Variants in PPP6R1 observed in about 807,000 individuals in gnomAD.
PPP6R1 encodes serine/threonine-protein phosphatase 6 regulatory subunit 1.
Under a neutral mutation model 104.6 loss-of-function variants are expected in PPP6R1, and 39 were observed. The ratio of observed to expected loss-of-function variants is 0.37; its 90% CI spans 0.29 to 0.49. The LOEUF is 0.49. Among genes scored for constraint, PPP6R1 ranks in the 20% least tolerant of loss-of-function variants. The pLI is 0.98. For missense variants in PPP6R1, 1,181 were observed against 1,155.8 expected (o/e 1.02, Z -0.32); for synonymous variants, 549 against 479.0 (o/e 1.15, Z -1.91).
At chr19:55,240,324 G>T in intron 10 of PPP6R1, 24 bp from the exon 11 acceptor site, 1 of 1,573,426 alleles carries the variant, frequency 6.4e-7, no homozygotes. Context: ...GGACAGGATG[G>T]CCTGGAGGGG....
chr19:55,258,248 C>A (rs1009242224), intron 1 of PPP6R1, among the ~76,000 whole-genome samples, 187 bp downstream of exon 1: 2 of 151,976 alleles, frequency 1.3e-5, no homozygotes, highest in Non-Finnish European at 1.5e-5. Context: ...GATTAAGAGA[C>A]TGGGGAGGGT....
chr19:55,247,087 T>C lies in PPP6R1; in HGVS notation c.17A>G (p.Asp6Gly). The C allele has an allele frequency of 6.2e-7, 1 of 1,613,156 alleles. No homozygotes were observed. The highest frequency in any genetic ancestry group is 8.5e-7 in the Non-Finnish European group (1 of 1,179,668). The change falls in exon 2 of 24, where the codon GAC (aspartate) becomes GGC (glycine). Residue 6 changes from aspartate to glycine, a missense_variant. By Grantham distance (94) the Asp-to-Gly change is moderately conservative. Around this residue, in one of 2 missense-constraint regions of PPP6R1, gnomAD observed 139 missense variants for 200.1 expected, o/e 0.69. Coordinates refer to ENST00000412770, the MANE Select transcript of PPP6R1 (RefSeq NM_014931.4). ...GTCCAGGTGCGAGCTTGTGTGCAGG[T>C]CAAACTTCCAAAACATGGCGCCCTG... MFWKFDLHTSSHLDTL... is the reference protein window; with the variant it reads MFWKFGLHTSSHLDTL...
chr19:55,242,506 AG>A lies in PPP6R1; in HGVS notation c.619-19del, dbSNP rs545797903. On this transcript the variant is annotated intron_variant, in intron 5 of 23. Coordinates refer to ENST00000412770, the MANE Select transcript of PPP6R1 (RefSeq NM_014931.4). ...GAATGTTGCTGGAACGGGGAGAGAC[AG>A]GTGAGGATCCTGGTCGGGCCACCGG... 850 of 1,603,916 alleles carry A rather than the reference AG, an allele frequency of 5.3e-4. 8 individuals carry two copies. In the African/African-American group the frequency reaches 0.01, roughly 19 times the overall value.
At chr19:55,234,761 A>T (rs1244258444) in intron 17 of PPP6R1, among the ~76,000 whole-genome samples, 1 of 152,234 alleles carries the variant, frequency 6.6e-6, no homozygotes, top group Non-Finnish European at 1.5e-5. Flanking sequence ...GCCCCACTGC[A>T]CGAGAGCCAG....
chr19:55,241,238 C>T lies in PPP6R1; in HGVS notation c.1161+1G>A, dbSNP rs1328759957. ...CCCCCAGCCCGGTCCAGTCCCCGCA[C>T]CAGCATGGTGTTGGGCACGTCCAGT... is the stretch of plus-strand genomic sequence containing the variant. On this transcript the variant is annotated splice_donor_variant, in intron 9 of 23. Transcript: ENST00000412770. LOFTEE classifies it high-confidence loss of function. This position sits in a 1 kb window ranked among gnomAD's most constrained non-coding sequence, Gnocchi z 5.4. 6.3e-7 allele frequency: 1 copy of T among 1,587,884 alleles called. No homozygotes were observed. The highest frequency in any genetic ancestry group is 8.6e-7 in the Non-Finnish European group (1 of 1,169,460).
At chr19:55,228,996 G>C, downstream of PPP6R1, 1 of 474,998 alleles carries the variant, frequency 2.1e-6, no homozygotes, top group South Asian at 2.7e-5. Context: ...TGCCTGGGGA[G>C]GTTAGGCCCA....
intron 15 of PPP6R1, 140 bp from the exon 16 acceptor site, chr19:55,237,110 C>T (rs2087406964): frequency 3.5e-6 from 3 of 856,270 alleles, no homozygotes; most frequent in Non-Finnish European, 5.8e-6. Context: ...TCACACACAA[C>T]CCGAACCACT....
At chr19:55,239,740 G>A in intron 13 of PPP6R1, 57 bp from the exon 14 acceptor site, 11 of 1,587,530 alleles carry the variant, frequency 6.9e-6, no homozygotes, top group Non-Finnish European at 8.6e-6. Flanking sequence ...GGGTGGGCAG[G>A]CAGCTATCGG....
intron 17 of PPP6R1, among the ~76,000 whole-genome samples, chr19:55,235,691 T>C (rs2087391135): frequency 6.6e-6 from 1 of 151,590 alleles, no homozygotes; most frequent in African/African-American, 2.4e-5. Flanking sequence ...GCAAATTTTT[T>C]GTATTTTTAG....
chr19:55,257,348 C>G (rs1035958607), intron 1 of PPP6R1, among the ~76,000 whole-genome samples: 2 of 152,250 alleles, frequency 1.3e-5, no homozygotes. Flanking sequence ...CCGCACCTGA[C>G]AGTCTACGCA....
chr19:55,240,159 G>A, intron 11 of PPP6R1, 45 bp from the exon 12 acceptor site: 1 of 1,561,620 alleles, frequency 6.4e-7, no homozygotes, highest in Non-Finnish European at 8.7e-7. Context: ...ACTGGACCCA[G>A]GGATGCCCAG....
Position 55,242,252 on chromosome 19 carries a change from G to A in PPP6R1, c.759C>T (p.Ser253=). Residue 253 remains serine (S), a synonymous_variant, in exon 7 of 24, where the codon AGC becomes AGT. Coordinates refer to ENST00000412770, the MANE Select transcript of PPP6R1 (RefSeq NM_014931.4). ...EKQETIEQLL[S]NMFEGEQSQS... ...GGCTCTGCTCCCCCTCGAACATGTTGCTTAAGAGCTGCTCAATCGTCTCCT... is the reference window on the plus strand; with the variant it reads ...GGCTCTGCTCCCCCTCGAACATGTTACTTAAGAGCTGCTCAATCGTCTCCT... 6.2e-7 allele frequency: 1 copy of A among 1,613,952 alleles called. No individual in the cohort carries two copies. The highest frequency in any genetic ancestry group is 8.5e-7 in the Non-Finnish European group (1 of 1,179,890).
intron 5 of PPP6R1, among the ~76,000 whole-genome samples, chr19:55,244,434 C>G (rs1218487511): frequency 6.6e-6 from 1 of 152,232 alleles, no homozygotes; most frequent in Non-Finnish European, 1.5e-5. Flanking sequence ...GAAAGCAAGG[C>G]TGCTGGACGG....
downstream of PPP6R1, chr19:55,228,813 G>T (rs574353392): frequency 1.3e-6 from 2 of 1,501,250 alleles, no homozygotes; most frequent in South Asian, 1.2e-5. Context: ...GAGGGCTCAT[G>T]GTTACACGTT....
At chr19:55,237,241 C>T (rs1312697388) in intron 15 of PPP6R1, among the ~76,000 whole-genome samples, 4 of 152,078 alleles carry the variant, frequency 2.6e-5, no homozygotes, top group Admixed American at 1.3e-4. Flanking sequence ...AAATGGGGCT[C>T]GGAAATGTTA....
intron 1 of PPP6R1, among the ~76,000 whole-genome samples, chr19:55,251,445 C>T (rs999820295): frequency 2.0e-5 from 3 of 152,168 alleles, no homozygotes; most frequent in African/African-American, 4.8e-5. Flanking sequence ...ACTCCCACTC[C>T]GGCCCCTCCC....
At chr19:55,232,847 GC>G (rs2087362524) in intron 17 of PPP6R1, 1 of 152,250 alleles carries the variant, frequency 6.6e-6, no homozygotes, top group East Asian at 1.9e-4. Flanking sequence ...CTAAAACTAA[GC>G]TTTAACAACG....
At chr19:55,252,763 C>A (rs758371904) in intron 1 of PPP6R1, among the ~76,000 whole-genome samples, 3 of 152,142 alleles carry the variant, frequency 2.0e-5, no homozygotes, top group Non-Finnish European at 2.9e-5. Context: ...GTCTTGAATG[C>A]CTGACCTCAA....
downstream of PPP6R1, chr19:55,228,582 G>C (rs1368533558): frequency 2.6e-6 from 4 of 1,522,540 alleles, no homozygotes; most frequent in African/African-American, 4.2e-5. Flanking sequence ...CCAGAACCCA[G>C]CTTCCCAGGG....
Sources: allele counts gnomAD v4.1 joint callset (sites outside exome capture counted in the v4.1 genomes callset), GRCh38; gene constraint gnomAD v4.1.1; regional missense constraint gnomAD v4.1.1; non-coding constraint Gnocchi (gnomAD v3.1); transcripts MANE v1.5; gene names NCBI Gene and HGNC (gene_info 2026-07-23, HGNC 2026-07-21).